Variants in CADPS2 observed in about 807,000 individuals in gnomAD.
The protein encoded by CADPS2 is calcium-dependent secretion activator 2.
Under a neutral mutation model 172.5 loss-of-function variants are expected in CADPS2, and 93 were observed. That is an observed-to-expected ratio of 0.54 (90% CI 0.46 to 0.64). The LOEUF is 0.64. CADPS2 is among the 30% of genes least tolerant of loss of function. The pLI is 0.00. For missense variants in CADPS2, 1,420 were observed against 1,565.9 expected (o/e 0.91, Z 1.57); for synonymous variants, 546 against 555.2 (o/e 0.98, Z 0.23).
intron 9 of CADPS2, among the ~76,000 whole-genome samples, chr7:122,503,178 C>T (rs1002166065): frequency 2.8e-4 from 42 of 151,876 alleles, no homozygotes; most frequent in African/African-American, 8.2e-4. Context: ...ATTACAGGCA[C>T]GTGCCACCAC....
rs183843419 is a variant in CADPS2 at position 122,780,780 on chromosome 7, G to A, written c.340-43712C>T. Among the ~76,000 whole-genome samples, 541 of 152,148 alleles carry A rather than the reference G, an allele frequency of 3.6e-3. 2 individuals are homozygous for A. The highest frequency in any genetic ancestry group is 3.7e-3 in the Non-Finnish European group (253 of 67,984). On this transcript the variant is annotated intron_variant, in intron 1 of 29. Transcript: ENST00000449022. ...ACCTCAGCCTCCCAAAGTGTTAGCC[G>A]TTCTTTTAAGGGCTGTATAATAGTA...
At chr7:122,708,463 T>G (rs1053850688) in intron 2 of CADPS2, among the ~76,000 whole-genome samples, 1 of 6,718 alleles carries the variant, frequency 1.5e-4, no homozygotes, top group Admixed American at 3.0e-3. Context: ...TGTGTGTGGA[T>G]ATATATATAT....
At chr7:122,866,720 C>T (rs1010855564) in intron 1 of CADPS2, among the ~76,000 whole-genome samples, 1 of 152,080 alleles carries the variant, frequency 6.6e-6, no homozygotes, top group Non-Finnish European at 1.5e-5. Context: ...AACAAAAATA[C>T]CCCTGAAGCT....
chr7:122,726,381 T>C (rs2091086489), intron 2 of CADPS2, among the ~76,000 whole-genome samples: 1 of 152,074 alleles, frequency 6.6e-6, no homozygotes, highest in African/African-American at 2.4e-5. Context: ...ACTTGTTTAA[T>C]GTTCCATGCT....
intron 17 of CADPS2, among the ~76,000 whole-genome samples, chr7:122,435,880 T>C (rs188254405): frequency 1.3e-5 from 2 of 152,060 alleles, no homozygotes; most frequent in East Asian, 3.9e-4. Flanking sequence ...CAGTACATAA[T>C]AACACATGAT....
intron 8 of CADPS2, among the ~76,000 whole-genome samples, chr7:122,519,439 G>A (rs1355109550): frequency 1.3e-5 from 2 of 152,008 alleles, no homozygotes; most frequent in African/African-American, 4.8e-5. Context: ...CATGGGATTA[G>A]GTAACAAAGA....
At chr7:122,811,079 A>T (rs1167215692) in intron 1 of CADPS2, among the ~76,000 whole-genome samples, 1 of 152,214 alleles carries the variant, frequency 6.6e-6, no homozygotes, top group Non-Finnish European at 1.5e-5. Flanking sequence ...AGGGAAGAAA[A>T]GCATTTTCTA....
At chr7:122,609,600 T>C (rs1297856429) in intron 6 of CADPS2, among the ~76,000 whole-genome samples, 1 of 152,212 alleles carries the variant, frequency 6.6e-6, no homozygotes, top group East Asian at 1.9e-4. Context: ...CGTTACTCTT[T>C]GTAAATCAAA....
intron 7 of CADPS2, among the ~76,000 whole-genome samples, chr7:122,576,331 C>T (rs906776785): frequency 1.3e-5 from 2 of 152,138 alleles, no homozygotes; most frequent in African/African-American, 2.4e-5. Context: ...ACTTGGTTAT[C>T]AAGAGAGTAT....
chr7:122,854,881 T>C (rs1175438828), intron 1 of CADPS2, among the ~76,000 whole-genome samples: 1 of 152,234 alleles, frequency 6.6e-6, no homozygotes, highest in Non-Finnish European at 1.5e-5. Flanking sequence ...AAAGGAATCA[T>C]GCCCTTCAAA....
chr7:122,851,860 G>A (rs1813741091), intron 1 of CADPS2, among the ~76,000 whole-genome samples: 1 of 152,120 alleles, frequency 6.6e-6, no homozygotes, highest in African/African-American at 2.4e-5. Context: ...TACAACTCAA[G>A]ATGAGATTTG....
intron 2 of CADPS2, chr7:122,698,325 TG>T (rs1279958252): frequency 6.2e-7 from 1 of 1,614,102 alleles, no homozygotes; most frequent in South Asian, 1.1e-5. Flanking sequence ...AGGTAGCAGT[TG>T]TGACAATCAC....
chr7:122,514,492 T>G (rs1563562025), intron 8 of CADPS2, among the ~76,000 whole-genome samples: 2 of 151,858 alleles, frequency 1.3e-5, no homozygotes, highest in East Asian at 3.9e-4. Context: ...CCCTCCCCCC[T>G]TTAGAAACAG....
At chr7:122,699,109 C>G (rs2085627377) in intron 2 of CADPS2, 1 of 545,382 alleles carries the variant, frequency 1.8e-6, no homozygotes, top group African/African-American at 1.9e-5. Context: ...AGGTGAAAAA[C>G]TTTAGATTGA....
At chr7:122,541,021 T>C (rs1361461851) in intron 8 of CADPS2, among the ~76,000 whole-genome samples, 2 of 151,998 alleles carry the variant, frequency 1.3e-5, no homozygotes, top group Non-Finnish European at 2.9e-5. Flanking sequence ...GTGTTGGAAA[T>C]AGAAAATGTC....
intron 6 of CADPS2, among the ~76,000 whole-genome samples, chr7:122,597,724 A>T (rs2072069500): frequency 2.0e-5 from 3 of 152,140 alleles, no homozygotes; most frequent in African/African-American, 7.2e-5. Flanking sequence ...GTTTACCTTC[A>T]ATTTCCCCTG....
chr7:122,469,344 C>G (rs1563422755), intron 14 of CADPS2, among the ~76,000 whole-genome samples: 1 of 152,232 alleles, frequency 6.6e-6, no homozygotes, highest in Non-Finnish European at 1.5e-5. Context: ...TTGTTTGTTT[C>G]ACTGAAACCT....
rs56295954 is a variant in CADPS2, at chr7:122,818,728, A to T, written c.339+67271T>A. Among the ~76,000 whole-genome samples, 3 of 151,786 alleles carry T rather than the reference A, an allele frequency of 2.0e-5. 1 individual carries two copies. The highest frequency in any genetic ancestry group is 7.3e-5 in the African/African-American group (3 of 41,274). On this transcript the variant is annotated intron_variant, in intron 1 of 29. Transcript: ENST00000449022. ...TTTTGTTCCCTGACTAGCCCTCCCC[A>T]TCCTGCCCAGCAATTTACTCTTAAA...
chr7:122,820,556 GT>G (rs551121404), intron 1 of CADPS2, among the ~76,000 whole-genome samples: 1,786 of 86,500 alleles, frequency 0.021, 158 homozygotes, highest in African/African-American at 0.081. Context: ...TTTGTTTTTT[GT>G]TTTTTTTTTT....
Sources: gnomAD v4.1 joint callset for allele counts (sites outside exome capture counted in the v4.1 genomes callset) on GRCh38, gnomAD v4.1.1 for gene constraint, MANE v1.5 for transcripts, NCBI Gene and HGNC (gene_info 2026-07-23, HGNC 2026-07-21) for gene names.